The following MCM8 variants were observed in gnomAD, a reference collection of about 807,000 sequenced individuals.
The protein encoded by MCM8 is DNA helicase MCM8.
In MCM8, 85 loss-of-function variants were observed where a neutral mutation model predicts 98.9. The ratio of observed to expected loss-of-function variants is 0.86; its 90% CI spans 0.72 to 1.03. The LOEUF (loss-of-function observed/expected upper bound fraction) is 1.03, where lower values mean the gene tolerates loss of function less well. MCM8 is among the 50% of genes least tolerant of loss of function. MCM8 has a pLI of 0.00. For missense variants in MCM8, 951 were observed against 997.8 expected (o/e 0.95, Z 0.63); for synonymous variants, 352 against 338.6 (o/e 1.04, Z -0.44).
Position 5,962,629 on chromosome 20 carries a change from C to A in MCM8, c.790-645C>A, listed in dbSNP as rs1384101345. On this transcript the variant is annotated intron_variant, in intron 7 of 18. Transcript: ENST00000610722. Reference sequence around the variant, plus strand: ...GACCTCATGATCCACCCGCCTCGGCCTCCCAAAGTGCTGGGATTACAGGCG... The same window carrying A: ...GACCTCATGATCCACCCGCCTCGGCATCCCAAAGTGCTGGGATTACAGGCG... Among the ~76,000 whole-genome samples, 6 of 68,550 alleles carry A rather than the reference C, an allele frequency of 8.8e-5. 1 individual carries two copies. The highest frequency in any genetic ancestry group is 1.4e-4 in the Non-Finnish European group (6 of 44,392). 45.0% of individuals were successfully genotyped at this position (68,550 alleles called of 152,430 possible). A position where few individuals can be genotyped will look rare whatever the true frequency, so the allele number is the denominator to read the frequency against.
intron 17 of MCM8, among the ~76,000 whole-genome samples, chr20:5,992,389 A>G (rs1269932986): frequency 2.6e-5 from 4 of 152,210 alleles, no homozygotes. Context: ...GAATAAGAAT[A>G]GTTCCTAAAT....
At position 5,996,266 on chromosome 20, in the gene MCM8, C is replaced by A; in HGVS notation, c.*1875C>A. 7.6e-6 allele frequency: 1 copy of A among 131,546 alleles called. No individual in the cohort carries two copies. The highest frequency in any genetic ancestry group is 2.3e-4 in the South Asian group (1 of 4,322). 8.1% of individuals were successfully genotyped at this position (131,546 alleles called of 1,614,324 possible). On this transcript the variant is annotated 3_prime_UTR_variant, in exon 19 of 19. Transcript: ENST00000610722. ...TCCAGCCTGGGCAAGAGAGCAAGAC[C>A]TTGTCTCTTAAAGAAAAAAAAAAAA...
intron 13 of MCM8, 120 bp downstream of exon 13, chr20:5,978,137 T>G (rs1439987088): frequency 1.9e-5 from 21 of 1,083,670 alleles, no homozygotes; most frequent in Non-Finnish European, 2.8e-5. Context: ...TCCTAACCAG[T>G]AAGTTGACAC....
At chr20:5,957,012 T>G in intron 5 of MCM8, 114 bp from the exon 6 acceptor site, 5 of 517,966 alleles carry the variant, frequency 9.7e-6, no homozygotes, top group Non-Finnish European at 1.6e-5. Flanking sequence ...TGTTAAAGTT[T>G]TCTGTTTTTA....
At chr20:5,972,565 A>AT in intron 11 of MCM8, 1 of 339,080 alleles carries the variant, frequency 2.9e-6, no homozygotes, top group South Asian at 2.3e-5. Flanking sequence ...TTATTTATTT[A>AT]TTTTTTTGAG....
At chr20:5,988,197 A>ACAGC (rs1490895829) in intron 17 of MCM8, among the ~76,000 whole-genome samples, 30 of 152,124 alleles carry the variant, frequency 2.0e-4, no homozygotes, top group African/African-American at 7.0e-4. Flanking sequence ...ATGGTGGCTC[A>ACAGC]CACCTGTAAT....
chr20:5,962,322 A>G (rs2122692691), intron 7 of MCM8, among the ~76,000 whole-genome samples: 1 of 149,624 alleles, frequency 6.7e-6, no homozygotes. Context: ...GGCCTTCTCA[A>G]ATTCCAGGAG....
intron 12 of MCM8, among the ~76,000 whole-genome samples, chr20:5,977,412 C>G (rs1222868080): frequency 6.6e-6 from 1 of 152,236 alleles, no homozygotes; most frequent in Non-Finnish European, 1.5e-5. Flanking sequence ...ATGCTTTTAA[C>G]TCTTGTGCTG....
chr20:5,969,361 G>C (rs2089349604), intron 10 of MCM8, among the ~76,000 whole-genome samples: 1 of 152,152 alleles, frequency 6.6e-6, no homozygotes, highest in African/African-American at 2.4e-5. Flanking sequence ...GGAGGCCGAG[G>C]CGGGTGGATC....
chr20:5,988,392 G>A (rs2089776267), intron 17 of MCM8, among the ~76,000 whole-genome samples: 1 of 151,968 alleles, frequency 6.6e-6, no homozygotes, highest in Admixed American at 6.6e-5. Flanking sequence ...AACCTGGGAG[G>A]TGGAGGTTGC....
chr20:5,952,084 T>A lies in MCM8; in HGVS notation c.69T>A (p.Gly23=). The A allele has an allele frequency of 6.2e-7, 1 of 1,613,880 alleles. No individual in the cohort carries two copies. The highest frequency in any genetic ancestry group is 8.5e-7 in the Non-Finnish European group (1 of 1,179,940). ...TTCAAAGCTGGAAAAGGGGAAGAGG[T>A]GGTGGGAACTTCTCAGGAAAATGGA... ...GRFQSWKRGR[G]GGNFSGKWRE... The change falls in exon 2 of 19, where the codon GGT becomes GGA. Residue 23 remains glycine (G), a synonymous_variant. Transcript: ENST00000610722.
chr20:5,952,115 A>G lies in MCM8; in HGVS notation c.100A>G (p.Arg34Gly), dbSNP rs1410452785. 1.9e-6 allele frequency: 3 copies of G among 1,613,962 alleles called. No homozygotes were observed. Among genetic ancestry groups the G allele is most frequent in the African/African-American group, 2.7e-5 (2 of 74,934 alleles). ...GAACTTCTCAGGAAAATGGAGAGAA[A>G]GAGAACACAGACCTGATCTGAGTAA... Reference protein sequence around the residue: ...GGNFSGKWREREHRPDLSKTT... With the variant: ...GGNFSGKWREGEHRPDLSKTT... The change falls in exon 2 of 19, where the codon AGA becomes GGA. Residue 34 changes from arginine (R) to glycine (G), a missense_variant. Coordinates refer to ENST00000610722, the MANE Select transcript of MCM8 (RefSeq NM_032485.6).
intron 11 of MCM8, 24 bp downstream of exon 11, chr20:5,972,061 C>T (rs2089415560): frequency 6.3e-7 from 1 of 1,590,072 alleles, no homozygotes; most frequent in Admixed American, 1.7e-5. Flanking sequence ...TTCATCTTTA[C>T]TCAAAAAGTA....
rs2089951011 is a variant in MCM8, at chr20:5,995,934, A to C, written c.*1543A>C. On this transcript the variant is annotated 3_prime_UTR_variant, in exon 19 of 19. Transcript: ENST00000610722. ...CTATAGGACCAGAACTAAGATGTGG[A>C]GACTATTGCCATAGACCACAATGTA... 1 of 152,262 alleles carries C rather than the reference A, an allele frequency of 6.6e-6. No individual in the cohort carries two copies. The highest frequency in any genetic ancestry group is 1.5e-5 in the Non-Finnish European group (1 of 68,046). The allele number at this position is 152,262 out of a possible 1,614,324, so 9.4% of individuals were successfully genotyped here.
intron 12 of MCM8, among the ~76,000 whole-genome samples, chr20:5,973,580 A>G (rs146723725): frequency 3.3e-4 from 51 of 152,326 alleles, no homozygotes; most frequent in African/African-American, 1.2e-3. Context: ...TAAACACTGT[A>G]TTGGGCTTTA....
Position 5,957,296 on chromosome 20 carries a change from C to T in MCM8, c.590+67C>T, listed in dbSNP as rs114773856. ...ATTGAAGGCCATTTAAGAATGAAAA[C>T]GCTCATTTTATAAAAATGAGGAAAT... On this transcript the variant is annotated intron_variant, in intron 6 of 18. Coordinates refer to ENST00000610722, the MANE Select transcript of MCM8 (RefSeq NM_032485.6). 4.9e-4 allele frequency: 567 copies of T among 1,168,250 alleles called. 6 individuals are homozygous for T. In the African/African-American group the frequency reaches 7.3e-3, roughly 15 times the overall value. The allele number at this position is 1,168,250 out of a possible 1,614,324, so 72.4% of individuals were successfully genotyped here.
rs1022148094 is a variant in MCM8, at chr20:5,963,959, A to G, written c.875+600A>G. Among the ~76,000 whole-genome samples, 7 of 152,260 alleles carry G rather than the reference A, an allele frequency of 4.6e-5. No individual in the cohort carries two copies. In the East Asian group the frequency reaches 5.8e-4, roughly 13 times the overall value. ...AATTATGTGATTAATTGAACTGGAT[A>G]TAGGCCATAAGCAAAGCTGTGTGCT... On this transcript the variant is annotated intron_variant, in intron 8 of 18. Transcript: ENST00000610722.
chr20:5,958,244 C>T (rs564893014), intron 6 of MCM8, among the ~76,000 whole-genome samples: 125 of 152,304 alleles, frequency 8.2e-4, no homozygotes, highest in Non-Finnish European at 1.8e-4. Flanking sequence ...TGGCACACAC[C>T]TGTAGTCCCA....
At chr20:5,966,343 A>C (rs1220865951) in intron 8 of MCM8, among the ~76,000 whole-genome samples, 1 of 151,544 alleles carries the variant, frequency 6.6e-6, no homozygotes, top group Non-Finnish European at 1.5e-5. Flanking sequence ...TATTTGTTTT[A>C]AGTTTTTCCT....
Sources: allele counts gnomAD v4.1 joint callset (sites outside exome capture counted in the v4.1 genomes callset), GRCh38; gene constraint gnomAD v4.1.1; transcripts MANE v1.5; gene names NCBI Gene and HGNC (gene_info 2026-07-23, HGNC 2026-07-21).